DDRGK1: variants seen among roughly 807,000 people sequenced by gnomAD.
DDRGK1 encodes the protein DDRGK domain containing 1, also known as DDRGK domain-containing protein 1.
Under a neutral mutation model 45.8 loss-of-function variants are expected in DDRGK1, and 38 were observed. The observed-to-expected ratio is 0.83, with a 90% CI of 0.64 to 1.09. The LOEUF (loss-of-function observed/expected upper bound fraction) is 1.09. DDRGK1 is among the 50% of genes least tolerant of loss of function. DDRGK1 has a pLI of 0.00. For synonymous variants in DDRGK1, 171 were observed against 168.7 expected, an observed-to-expected ratio of 1.01 and a Z score of -0.11; for missense variants, 403 against 419.9, an observed-to-expected ratio of 0.96 and a Z score of 0.35.
intron 2 of DDRGK1, among the ~76,000 whole-genome samples, chr20:3,202,630 G>A (rs1438249533): frequency 2.6e-5 from 4 of 152,200 alleles, no homozygotes; most frequent in Admixed American, 6.5e-5. Flanking sequence ...CTCTTCTTGA[G>A]CTAAAGGGAT....
At chr20:3,200,924 C>T (rs2067035334) in intron 2 of DDRGK1, among the ~76,000 whole-genome samples, 1 of 152,166 alleles carries the variant, frequency 6.6e-6, no homozygotes, top group Non-Finnish European at 1.5e-5. Flanking sequence ...TCCTGGCTAA[C>T]ATGGTGAAAC....
intron 2 of DDRGK1, among the ~76,000 whole-genome samples, chr20:3,201,408 G>C (rs1345603088): frequency 6.7e-6 from 1 of 150,212 alleles, no homozygotes; most frequent in Non-Finnish European, 1.5e-5. Context: ...GCCGAGATCT[G>C]CTGCCAAGTG....
intron 1 of DDRGK1, 80 bp downstream of exon 1, chr20:3,204,457 G>A: frequency 2.1e-6 from 3 of 1,424,896 alleles, no homozygotes; most frequent in Non-Finnish European, 2.8e-6. Flanking sequence ...ACGCGCAGGA[G>A]CCGCGGCGCG....
rs1206111331 is a variant in DDRGK1 at position 3,190,627 on chromosome 20, C to T, written c.*26G>A. 6.2e-7 allele frequency: 1 copy of T among 1,611,764 alleles called. No individual in the cohort carries two copies. The highest frequency in any genetic ancestry group is 8.5e-7 in the Non-Finnish European group (1 of 1,179,284). Reference sequence around the variant, plus strand: ...TATAGCCAGGTAGGCCACACCAACTCTGAGTCCAAGAGGGAAGGACTGGGG... The same window carrying T: ...TATAGCCAGGTAGGCCACACCAACTTTGAGTCCAAGAGGGAAGGACTGGGG... On this transcript the variant is annotated 3_prime_UTR_variant, in exon 9 of 9. Transcript: ENST00000354488.
rs762370856 is a variant in DDRGK1, at chr20:3,204,603, C to T, written c.25G>A (p.Val9Ile). 5.7e-6 allele frequency: 9 copies of T among 1,590,190 alleles called. No individual in the cohort carries two copies. Among genetic ancestry groups the T allele is most frequent in the Non-Finnish European group, 7.7e-6 (9 of 1,172,502 alleles). ...AAGCCGACTAGCAGAGCCGCCGCTACCAAGTACCACACAGGCGCCACCATG... is the reference window on the plus strand; with the variant it reads ...AAGCCGACTAGCAGAGCCGCCGCTATCAAGTACCACACAGGCGCCACCATG... MVAPVWYL[V>I]AAALLVGFIL... is the part of the protein sequence containing the mutation. The change falls in exon 1 of 9, where the codon GTA (valine) becomes ATA (isoleucine). Residue 9 changes from valine to isoleucine, a missense_variant. Coordinates refer to ENST00000354488, the MANE Select transcript of DDRGK1 (RefSeq NM_023935.3).
rs150963659 is a variant in DDRGK1 at position 3,190,505 on chromosome 20, C to T, written c.*148G>A. On this transcript the variant is annotated 3_prime_UTR_variant, in exon 9 of 9. Coordinates refer to ENST00000354488, the MANE Select transcript of DDRGK1 (RefSeq NM_023935.3). ...TCCTAGGCCAGGCCTTCTGCCACAC[C>T]AAGCCACACCAAGCTCAGCAGTACT... 330 of 1,036,236 alleles carry T rather than the reference C, an allele frequency of 3.2e-4. 1 individual carries two copies. In the East Asian group the frequency reaches 8.0e-3, roughly 25 times the overall value. The allele number at this position is 1,036,236 out of a possible 1,614,324, so 64.2% of individuals were successfully genotyped here. A position where few individuals can be genotyped will look rare whatever the true frequency, so the allele number is the denominator to read the frequency against.
intron 6 of DDRGK1, among the ~76,000 whole-genome samples, chr20:3,194,502 C>G (rs1335793455): frequency 6.6e-6 from 1 of 152,208 alleles, no homozygotes. Flanking sequence ...CTCAGTGTGA[C>G]AGAACTGACA....
At position 3,200,371 on chromosome 20, in the gene DDRGK1, C is replaced by T. The variant is rs751201684; in HGVS notation, c.379G>A (p.Glu127Lys). 6.3e-7 allele frequency: 1 copy of T among 1,574,958 alleles called. No homozygotes were observed. The highest frequency in any genetic ancestry group is 8.6e-7 in the Non-Finnish European group (1 of 1,159,762). The change falls in exon 3 of 9, where the codon GAG (glutamate) becomes AAG (lysine). Residue 127 changes from glutamate (E) to lysine (K), a missense_variant. Coordinates refer to ENST00000354488, the MANE Select transcript of DDRGK1 (RefSeq NM_023935.3). ...IGAKKLRKLE[E>K]KQARKAQREA... ...CGCTGGGCCTTTCGCGCTTGTTTCT[C>T]CTCCAGCTTCCGCAGTTTCTTAGCT... is the stretch of plus-strand genomic sequence containing the variant.
intron 6 of DDRGK1, among the ~76,000 whole-genome samples, chr20:3,194,535 G>A (rs1329024476): frequency 1.3e-5 from 2 of 152,252 alleles, no homozygotes; most frequent in African/African-American, 4.8e-5. Context: ...GAAGAGACTT[G>A]AAAACACACT....
rs1175846628 is a variant in DDRGK1 at position 3,203,218 on chromosome 20, A to G, written c.290T>C (p.Ile97Thr). Residue 97 changes from isoleucine to threonine, a missense_variant, in exon 2 of 9, where the codon ATC becomes ACC. By Grantham distance (89) the Ile-to-Thr change is moderately conservative. Transcript: ENST00000354488. Reference sequence around the variant, plus strand: ...CCAGGCTGGGCCCCTCTCACCTAGGATGACAGCTTCCTCCTCGTTCTCATC... The same window carrying G: ...CCAGGCTGGGCCCCTCTCACCTAGGGTGACAGCTTCCTCCTCGTTCTCATC... ...EADENEEEAV[I>T]LAQEEEGVEK... 1 of 1,579,790 alleles carries G rather than the reference A, an allele frequency of 6.3e-7. No homozygotes were observed.
chr20:3,191,634 T>C lies in DDRGK1; in HGVS notation c.729+131A>G. 6 of 1,056,496 alleles carry C rather than the reference T, an allele frequency of 5.7e-6. No homozygotes were observed. The South Asian group carries it at 8.1e-5, about 14-fold the overall frequency. 65.4% of individuals were successfully genotyped at this position (1,056,496 alleles called of 1,614,324 possible). Reference sequence around the variant, plus strand: ...GATTCCCAGGGTGCCAGGAGACTTCTGTGCACTACTCACTCTTGGTTGGGG... The same window carrying C: ...GATTCCCAGGGTGCCAGGAGACTTCCGTGCACTACTCACTCTTGGTTGGGG... On this transcript the variant is annotated intron_variant, in intron 7 of 8. Coordinates refer to ENST00000354488, the MANE Select transcript of DDRGK1 (RefSeq NM_023935.3).
intron 2 of DDRGK1, among the ~76,000 whole-genome samples, chr20:3,202,584 C>G (rs1269652326): frequency 6.6e-6 from 1 of 152,178 alleles, no homozygotes; most frequent in Non-Finnish European, 1.5e-5. Flanking sequence ...GTCTCTGAAC[C>G]CAAGTCTGAG....
intron 6 of DDRGK1, 110 bp from the exon 7 acceptor site, chr20:3,191,931 AAAACACTG>A: frequency 9.7e-7 from 1 of 1,029,804 alleles, no homozygotes; most frequent in Non-Finnish European, 1.4e-6. Flanking sequence ...GGTGGCTGGA[AAAACACTG>A]TACACACTCC....
At chr20:3,192,030 C>T (rs1164636301) in intron 6 of DDRGK1, among the ~76,000 whole-genome samples, 3 of 151,812 alleles carry the variant, frequency 2.0e-5, no homozygotes, top group African/African-American at 4.8e-5. Context: ...GAGACCCGCA[C>T]AATCATAAAC....
At chr20:3,198,095 T>C (rs1445699037) in intron 4 of DDRGK1, among the ~76,000 whole-genome samples, 1 of 85,436 alleles carries the variant, frequency 1.2e-5, no homozygotes, top group Admixed American at 1.6e-4. Context: ...AGACTCCATC[T>C]CTCTTAAAAA....
At chr20:3,201,412 C>G (rs1320132179) in intron 2 of DDRGK1, among the ~76,000 whole-genome samples, 1 of 146,862 alleles carries the variant, frequency 6.8e-6, no homozygotes, top group Non-Finnish European at 1.5e-5. Flanking sequence ...AGATCTGCTG[C>G]CAAGTGGTGT....
chr20:3,200,491 C>T, intron 2 of DDRGK1, 37 bp from the exon 3 acceptor site: 1 of 1,534,436 alleles, frequency 6.5e-7, no homozygotes. Flanking sequence ...CAGGTTCTGA[C>T]CAGAGAGGAC....
chr20:3,204,477 A>T (rs11697186), intron 1 of DDRGK1, 60 bp downstream of exon 1: 116,700 of 1,507,878 alleles, frequency 0.077, 5,062 homozygotes, highest in East Asian at 0.16. Flanking sequence ...GACGGTCCAC[A>T]AAGGCTCAGA....
chr20:3,199,470 C>T (rs140643450), intron 4 of DDRGK1, among the ~76,000 whole-genome samples: 1 of 152,220 alleles, frequency 6.6e-6, no homozygotes, highest in Non-Finnish European at 1.5e-5. Context: ...CCAGCTAGGG[C>T]AGCCCTGGCT....
Sources: gnomAD v4.1 joint callset for allele counts (sites outside exome capture counted in the v4.1 genomes callset) on GRCh38, gnomAD v4.1.1 for gene constraint, MANE v1.5 for transcripts, NCBI Gene and HGNC (gene_info 2026-07-23, HGNC 2026-07-21) for gene names.